CAMSAP1: variants seen among roughly 807,000 people sequenced by gnomAD.
The protein encoded by CAMSAP1 is calmodulin regulated spectrin associated protein 1, also known as calmodulin-regulated spectrin-associated protein 1.
Under a neutral mutation model 143.5 loss-of-function variants are expected in CAMSAP1, and 58 were observed. The ratio of observed to expected loss-of-function variants is 0.40; its 90% confidence interval spans 0.33 to 0.50. The LOEUF is 0.50. Among genes scored for constraint, CAMSAP1 ranks in the 20% least tolerant of loss-of-function variants. The pLI is 0.45. For synonymous variants in CAMSAP1, 945 were observed against 859.3 expected (o/e 1.10, Z -1.74); for missense variants, 1,969 against 2,115.7 (o/e 0.93, Z 1.36).
In CAMSAP1 at chr9:135,824,046, A is replaced by G; in HGVS notation, c.1316-12T>C. On this transcript the variant is annotated splice_polypyrimidine_tract_variant and intron_variant, in intron 9 of 16. Transcript: ENST00000389532. This position sits in a 1 kb window ranked among gnomAD's most constrained non-coding sequence, Gnocchi z 4.1. ...TCGATGTCGCTGATCTGCAGTACAG[A>G]GGAATTAGATAGTGTTAAGTAACCA... 6.4e-7 allele frequency: 1 copy of G among 1,568,262 alleles called. No individual in the cohort carries two copies. The highest frequency in any genetic ancestry group is 2.3e-5 in the East Asian group (1 of 42,922).
intron 7 of CAMSAP1, among the ~76,000 whole-genome samples, chr9:135,843,642 C>T (rs867541279): frequency 3.2e-4 from 48 of 151,986 alleles, no homozygotes; most frequent in African/African-American, 9.9e-4. Flanking sequence ...GAGGCCGAGA[C>T]AGGTGGATCA....
intron 4 of CAMSAP1, among the ~76,000 whole-genome samples, chr9:135,865,719 A>C (rs897780332): frequency 2.0e-5 from 3 of 152,178 alleles, no homozygotes; most frequent in African/African-American, 7.2e-5. Context: ...ACAGGGAGGA[A>C]GCTCAATGCT....
intron 1 of CAMSAP1, among the ~76,000 whole-genome samples, chr9:135,886,436 G>C (rs780297534): frequency 2.9e-4 from 44 of 152,292 alleles, no homozygotes; most frequent in Admixed American, 5.2e-4. Flanking sequence ...CAGCCAGTAG[G>C]GGGGTGGGTA....
rs543930824 is a variant in CAMSAP1, at chr9:135,819,030, C to T, written c.3939G>A (p.Glu1313=). 4 of 1,606,720 alleles carry T rather than the reference C, an allele frequency of 2.5e-6. No homozygotes were observed. In the East Asian group the frequency reaches 6.7e-5, roughly 27 times the overall value. ...VRKQQLEAEV[E]LKRDEARRKA... ...CTTACCGGGCTTCGTCACGCTTGAGCTCCACCTCCGCTTCCAGCTGCTGCT... is the reference window on the plus strand; with the variant it reads ...CTTACCGGGCTTCGTCACGCTTGAGTTCCACCTCCGCTTCCAGCTGCTGCT... The change falls in exon 12 of 17, where the codon GAG becomes GAA. Residue 1313 remains glutamate, a synonymous_variant. Transcript: ENST00000389532.
Position 135,820,807 on chromosome 9 carries a change from AG to A in CAMSAP1, c.3822+31del. On this transcript the variant is annotated intron_variant, in intron 11 of 16. Coordinates refer to ENST00000389532, the MANE Select transcript of CAMSAP1 (RefSeq NM_015447.4). This position sits in a 1 kb window ranked among gnomAD's most constrained non-coding sequence, Gnocchi z 4.4. ...TCACGTGGGGTGGCAACACATCACG[AG>A]TGCCTGAAACAGATGCTACCAATCC... The A allele has an allele frequency of 1.9e-6, 3 of 1,604,094 alleles. No homozygotes were observed. Among genetic ancestry groups the A allele is most frequent in the Non-Finnish European group, 2.6e-6 (3 of 1,176,436 alleles).
In CAMSAP1 at chr9:135,890,144, C is replaced by T. The variant is rs560402854; in HGVS notation, c.161-7066G>A. Among the ~76,000 whole-genome samples the T allele has an allele frequency of 5.3e-5, 8 of 152,180 alleles. No individual in the cohort carries two copies. In the East Asian group the frequency reaches 1.6e-3, roughly 30 times the overall value. On this transcript the variant is annotated intron_variant, in intron 1 of 16. Transcript: ENST00000389532. ...TAGGACAGTGCACACAGCTCACACCCGCAGAGGCTCCGCATGCCCAACCCA... is the reference window on the plus strand; with the variant it reads ...TAGGACAGTGCACACAGCTCACACCTGCAGAGGCTCCGCATGCCCAACCCA...
At chr9:135,858,670 A>G (rs1343023141) in intron 5 of CAMSAP1, among the ~76,000 whole-genome samples, 1 of 152,232 alleles carries the variant, frequency 6.6e-6, no homozygotes, top group East Asian at 1.9e-4. Flanking sequence ...AAATCCCACA[A>G]CAGGCCATCT....
At chr9:135,829,444 G>A (rs1835780948) in intron 7 of CAMSAP1, among the ~76,000 whole-genome samples, 1 of 152,146 alleles carries the variant, frequency 6.6e-6, no homozygotes, top group African/African-American at 2.4e-5. Flanking sequence ...TTGAGCCCAG[G>A]AGTCTGAGGC....
intron 7 of CAMSAP1, among the ~76,000 whole-genome samples, chr9:135,844,788 G>A (rs896482452): frequency 6.6e-6 from 1 of 152,044 alleles, no homozygotes; most frequent in African/African-American, 2.4e-5. Context: ...ATAAATTCCT[G>A]GACACATATA....
intron 3 of CAMSAP1, among the ~76,000 whole-genome samples, chr9:135,877,974 C>T (rs1054417950): frequency 5.9e-5 from 9 of 152,166 alleles, no homozygotes; most frequent in Non-Finnish European, 8.8e-5. Context: ...ATGGGAAACC[C>T]GCATGGCAGC....
intron 1 of CAMSAP1, among the ~76,000 whole-genome samples, chr9:135,906,706 CCCGCCGCCG>C (rs577000127): frequency 6.6e-6 from 1 of 151,830 alleles, no homozygotes; most frequent in Non-Finnish European, 1.5e-5. Flanking sequence ...GCAGCTCCTT[CCCGCCGCCG>C]CCGCCGCCAA....
At chr9:135,853,010 C>T (rs1836834203) in intron 5 of CAMSAP1, among the ~76,000 whole-genome samples, 1 of 152,216 alleles carries the variant, frequency 6.6e-6, no homozygotes, top group Non-Finnish European at 1.5e-5. Flanking sequence ...AACGTATTCA[C>T]AGTCCAAAGC....
intron 1 of CAMSAP1, among the ~76,000 whole-genome samples, chr9:135,897,982 G>GA (rs1838508636): frequency 6.6e-6 from 1 of 152,076 alleles, no homozygotes; most frequent in African/African-American, 2.4e-5. Flanking sequence ...GAATGAAAAT[G>GA]AAAAAACAAC....
rs572403285 is a variant in CAMSAP1 at position 135,836,199 on chromosome 9, G to A, written c.1046-8615C>T. On this transcript the variant is annotated intron_variant, in intron 7 of 16. Transcript: ENST00000389532. ...ATCACCACATACCTTTACCCGTTCC[G>A]CAGCCACACATCGCCAAGTACCTTC... 17 of 985,176 alleles carry A rather than the reference G, an allele frequency of 1.7e-5. No homozygotes were observed. In the African/African-American group the frequency reaches 2.3e-4, roughly 13 times the overall value. The allele number at this position is 985,176 out of a possible 1,614,324, so 61.0% of individuals were successfully genotyped here.
intron 3 of CAMSAP1, among the ~76,000 whole-genome samples, chr9:135,867,692 A>C (rs1837428417): frequency 6.6e-6 from 1 of 152,262 alleles, no homozygotes; most frequent in African/African-American, 2.4e-5. Flanking sequence ...AAAATCAAGA[A>C]GACTAAACAG....
chr9:135,811,026 C>T lies in CAMSAP1; in HGVS notation c.*283G>A. The T allele has an allele frequency of 2.3e-6, 1 of 441,798 alleles. No individual in the cohort carries two copies. 27.4% of individuals were successfully genotyped at this position (441,798 alleles called of 1,614,324 possible). On this transcript the variant is annotated 3_prime_UTR_variant, in exon 17 of 17. Transcript: ENST00000389532. This position sits in a 1 kb window ranked among gnomAD's most constrained non-coding sequence, Gnocchi z 4.9. ...GGCTGTGAACACCCTCCGCTGGGAG[C>T]CTCAGTGGTCAGCAGTGGCCACAGC...
chr9:135,900,850 G>A (rs1838597268), intron 1 of CAMSAP1, among the ~76,000 whole-genome samples: 1 of 151,878 alleles, frequency 6.6e-6, no homozygotes, highest in Admixed American at 6.6e-5. Context: ...CGCCTCCTGG[G>A]TTTAAGCGAT....
intron 3 of CAMSAP1, among the ~76,000 whole-genome samples, chr9:135,869,831 G>A (rs142938035): frequency 1.1e-3 from 161 of 152,272 alleles, no homozygotes; most frequent in African/African-American, 3.5e-3. Context: ...AGCACACAGT[G>A]GAATATTATT....
chr9:135,821,549 T>G lies in CAMSAP1; in HGVS notation c.3112A>C (p.Ile1038Leu). The change falls in exon 11 of 17, where the codon ATC (isoleucine) becomes CTC (leucine). Residue 1038 changes from isoleucine to leucine, a missense_variant. Ile to Leu is a conservative substitution (Grantham distance 5). Transcript: ENST00000389532. The surrounding 1 kb of genome is among the most constrained non-coding windows in gnomAD (Gnocchi z 4.6). Reference sequence around the variant, plus strand: ...TCTTGCTGCTGAGAGATTTTCAGGATGGCCTGCTGCAGCGTACTGATGGTT... The same window carrying G: ...TCTTGCTGCTGAGAGATTTTCAGGAGGGCCTGCTGCAGCGTACTGATGGTT... ...NETISTLQQAILKISQQQEQL... is the reference protein window; with the variant it reads ...NETISTLQQALLKISQQQEQL... The G allele has an allele frequency of 6.2e-7, 1 of 1,614,022 alleles. No individual in the cohort carries two copies. Among genetic ancestry groups the G allele is most frequent in the Non-Finnish European group, 8.5e-7 (1 of 1,179,888 alleles).
Sources: gnomAD v4.1 joint callset for allele counts (sites outside exome capture counted in the v4.1 genomes callset) on GRCh38, gnomAD v4.1.1 for gene constraint, Gnocchi (gnomAD v3.1) non-coding constraint, MANE v1.5 for transcripts, NCBI Gene and HGNC (gene_info 2026-07-23, HGNC 2026-07-21) for gene names.